LIPA: variants seen among roughly 807,000 people sequenced by gnomAD.
LIPA encodes the protein lysosomal acid lipase/cholesteryl ester hydrolase.
LIPA carries 26 observed loss-of-function variants against 40.6 expected under a neutral mutation model. That is an observed-to-expected ratio of 0.64 (90% CI 0.47 to 0.89). LIPA has a LOEUF of 0.89. Among genes scored for constraint, LIPA ranks in the 40% least tolerant of loss-of-function variants. The pLI, the probability that LIPA is intolerant of heterozygous loss-of-function variation, is 0.00. For synonymous variants in LIPA, 188 were observed against 168.4 expected, an observed-to-expected ratio of 1.12 and a Z score of -0.90; for missense variants, 455 against 479.6, an observed-to-expected ratio of 0.95 and a Z score of 0.48.
intron 1 of LIPA, among the ~76,000 whole-genome samples, chr10:89,280,739 T>G (rs1352374413): frequency 1.3e-5 from 2 of 152,262 alleles, no homozygotes; most frequent in African/African-American, 4.8e-5. Flanking sequence ...TGAGGATGTT[T>G]TATCTGATGC....
intron 1 of LIPA, chr10:89,306,265 C>T: frequency 6.2e-7 from 1 of 1,614,112 alleles, no homozygotes; most frequent in Non-Finnish European, 8.5e-7. Flanking sequence ...ATGCCTGGGT[C>T]TACTATCACA....
intron 2 of LIPA, among the ~76,000 whole-genome samples, chr10:89,394,329 CAT>C (rs1844301840): frequency 6.6e-6 from 1 of 152,034 alleles, no homozygotes; most frequent in Non-Finnish European, 1.5e-5. Context: ...TTATGCAGTG[CAT>C]GGCTGTATGA....
intron 2 of LIPA, among the ~76,000 whole-genome samples, chr10:89,391,586 G>C (rs1438247049): frequency 6.6e-6 from 1 of 152,102 alleles, no homozygotes; most frequent in Non-Finnish European, 1.5e-5. Context: ...CTGGAGTACA[G>C]TGGTGTGATC....
chr10:89,303,137 A>T (rs1843456453), intron 1 of LIPA, among the ~76,000 whole-genome samples: 1 of 152,130 alleles, frequency 6.6e-6, no homozygotes, highest in South Asian at 2.1e-4. Flanking sequence ...TTCCCATTAC[A>T]ATACAGACCC....
intron 2 of LIPA, among the ~76,000 whole-genome samples, chr10:89,410,448 G>A (rs1589645286): frequency 1.3e-5 from 2 of 152,312 alleles, no homozygotes; most frequent in South Asian, 2.1e-4. Flanking sequence ...AGTCCCCTTA[G>A]CTAATCCTGA....
chr10:89,362,944 CA>C, intron 2 of LIPA: 2 of 269,038 alleles, frequency 7.4e-6, no homozygotes, highest in Middle Eastern at 1.4e-3. Flanking sequence ...AGTCTAAATC[CA>C]AAAGATGCAC....
intron 1 of LIPA, among the ~76,000 whole-genome samples, chr10:89,304,996 A>T (rs1843469617): frequency 6.6e-6 from 1 of 151,536 alleles, no homozygotes; most frequent in Admixed American, 6.6e-5. Context: ...TAAAATTTCA[A>T]AAAAAAAATT....
rs1460482508 is a variant in LIPA at position 89,306,147 on chromosome 10, A to C, written c.-2+36464T>G. ...CTACTGGCCTATCTAAAGCACCTCAAAGGGCAAAACGAGGCAGCCCTGGAA... is the reference window on the plus strand; with the variant it reads ...CTACTGGCCTATCTAAAGCACCTCACAGGGCAAAACGAGGCAGCCCTGGAA... On this transcript the variant is annotated intron_variant, in intron 1 of 5. Coordinates refer to the LIPA transcript ENST00000282673. 2 of 1,614,134 alleles carry C rather than the reference A, an allele frequency of 1.2e-6. No homozygotes were observed. Among genetic ancestry groups the C allele is most frequent in the Admixed American group, 3.3e-5 (2 of 60,014 alleles).
At chr10:89,250,806 A>G (rs1380424951) in intron 1 of LIPA, among the ~76,000 whole-genome samples, 1 of 152,266 alleles carries the variant, frequency 6.6e-6, no homozygotes, top group South Asian at 2.1e-4. Flanking sequence ...ATACTAAGCC[A>G]AGCAATTCTT....
At chr10:89,403,416 C>G (rs373831328) in intron 2 of LIPA, 2 of 1,613,790 alleles carry the variant, frequency 1.2e-6, no homozygotes, top group African/African-American at 1.3e-5. Flanking sequence ...GCAAGACATA[C>G]ATTTCCACTA....
intron 1 of LIPA, among the ~76,000 whole-genome samples, chr10:89,298,626 T>A (rs1843428660): frequency 6.6e-6 from 1 of 152,158 alleles, no homozygotes; most frequent in African/African-American, 2.4e-5. Flanking sequence ...CAAGGAAATA[T>A]GATACCTTCA....
intron 2 of LIPA, among the ~76,000 whole-genome samples, chr10:89,350,324 T>TTTTTTTTTTTTGAG (rs1384771963): frequency 2.5e-3 from 380 of 151,108 alleles, no homozygotes; most frequent in East Asian, 4.5e-3. Context: ...CCTTTTTTTT[T>TTTTTTTTTTTTGAG]AAGACGGAGT....
chr10:89,377,252 T>C (rs1057004449), intron 2 of LIPA, among the ~76,000 whole-genome samples: 2 of 152,336 alleles, frequency 1.3e-5, no homozygotes, highest in Admixed American at 6.5e-5. Flanking sequence ...ATCTTCAAAA[T>C]AGTAGAAACA....
At chr10:89,351,834 C>A (rs1843960988) in intron 2 of LIPA, among the ~76,000 whole-genome samples, 1 of 152,172 alleles carries the variant, frequency 6.6e-6, no homozygotes, top group African/African-American at 2.4e-5. Flanking sequence ...CTTAAAGATT[C>A]AGACATCTGA....
chr10:89,403,774 C>A, intron 2 of LIPA: 1 of 865,470 alleles, frequency 1.2e-6, no homozygotes, highest in Non-Finnish European at 1.8e-6. Context: ...TACTAATCAT[C>A]TTTTCTGCTT....
At chr10:89,402,401 G>T (rs1170582150) in intron 2 of LIPA, 1 of 1,614,130 alleles carries the variant, frequency 6.2e-7, no homozygotes, top group South Asian at 1.1e-5. Context: ...TCTTGGATCA[G>T]ATTGAATTCC....
At chr10:89,296,921 C>T (rs775867399) in intron 1 of LIPA, among the ~76,000 whole-genome samples, 9 of 152,066 alleles carry the variant, frequency 5.9e-5, no homozygotes, top group Admixed American at 1.3e-4. Flanking sequence ...ATGTCAAATA[C>T]CAGGGCAACA....
At chr10:89,341,760 C>T (rs1487805478) in intron 1 of LIPA, among the ~76,000 whole-genome samples, 1 of 152,176 alleles carries the variant, frequency 6.6e-6, no homozygotes, top group Non-Finnish European at 1.5e-5. Context: ...AAGAGTTGCC[C>T]TCTGGTATTC....
chr10:89,220,183 A>C (rs1842679700), intron 8 of LIPA, among the ~76,000 whole-genome samples: 1 of 152,210 alleles, frequency 6.6e-6, no homozygotes, highest in Non-Finnish European at 1.5e-5. Flanking sequence ...AGGGCCTCTG[A>C]CATCCCAGGT....
Sources: gnomAD v4.1 joint callset for allele counts (sites outside exome capture counted in the v4.1 genomes callset) on GRCh38, gnomAD v4.1.1 for gene constraint, MANE v1.5 for transcripts, NCBI Gene and HGNC (gene_info 2026-07-23, HGNC 2026-07-21) for gene names.